The following TNRC6A variants were observed in gnomAD, a reference collection of about 807,000 sequenced individuals.
The protein encoded by TNRC6A is trinucleotide repeat containing adaptor 6A.
Under a neutral mutation model 221.2 loss-of-function variants are expected in TNRC6A, and 44 were observed. That is an observed-to-expected ratio of 0.20 (90% CI 0.16 to 0.26). The LOEUF is 0.26. Among genes scored for constraint, TNRC6A ranks in the 10% least tolerant of loss-of-function variants. The probability of loss-of-function intolerance (pLI) is 1.00; values close to 1 mark genes in which losing one functional copy is unlikely to be tolerated. For synonymous variants in TNRC6A, 847 were observed against 838.5 expected (o/e 1.01, Z -0.18); for missense variants, 2,199 against 2,404.4 (o/e 0.91, Z 1.79).
intron 2 of TNRC6A, among the ~76,000 whole-genome samples, chr16:24,749,712 T>C (rs938517178): frequency 3.9e-5 from 6 of 152,212 alleles, no homozygotes; most frequent in African/African-American, 1.2e-4. Context: ...GTAATAACCC[T>C]TTTTCCTGAA....
At chr16:24,753,854 A>G (rs1194075204) in intron 3 of TNRC6A, among the ~76,000 whole-genome samples, 1 of 152,222 alleles carries the variant, frequency 6.6e-6, no homozygotes, top group Non-Finnish European at 1.5e-5. Flanking sequence ...TTTTTAATAT[A>G]AGGAACCTAA....
At chr16:24,720,457 G>C (rs1475291659) in intron 2 of TNRC6A, among the ~76,000 whole-genome samples, 1 of 152,024 alleles carries the variant, frequency 6.6e-6, no homozygotes, top group Non-Finnish European at 1.5e-5. Flanking sequence ...GGGAGGCCAA[G>C]ACAGGCAGAT....
chr16:24,799,337 A>G (rs922234447), intron 11 of TNRC6A, among the ~76,000 whole-genome samples: 7 of 152,086 alleles, frequency 4.6e-5, no homozygotes, highest in East Asian at 1.9e-4. Flanking sequence ...CCCTTTGACT[A>G]CTCACCTTCC....
At chr16:24,820,400 G>T (rs948213740) in intron 22 of TNRC6A, 40 bp downstream of exon 22, 1 of 1,575,566 alleles carries the variant, frequency 6.3e-7, no homozygotes, top group African/African-American at 1.3e-5. Flanking sequence ...TGGTTTATTT[G>T]CTAAACGCTA....
intron 2 of TNRC6A, among the ~76,000 whole-genome samples, chr16:24,701,497 G>A (rs1055789062): frequency 6.6e-6 from 1 of 151,992 alleles, no homozygotes; most frequent in African/African-American, 2.4e-5. Context: ...CTCCCGAGTA[G>A]CTGGGACTAC....
At chr16:24,710,157 G>A (rs566455801) in intron 2 of TNRC6A, among the ~76,000 whole-genome samples, 4 of 151,784 alleles carry the variant, frequency 2.6e-5, no homozygotes, top group East Asian at 3.9e-4. Context: ...CCCAGGAGGT[G>A]GAGGTTGCAG....
intron 5 of TNRC6A, among the ~76,000 whole-genome samples, chr16:24,786,708 A>T (rs1403924239): frequency 6.8e-6 from 1 of 147,566 alleles, no homozygotes; most frequent in African/African-American, 2.5e-5. Flanking sequence ...TTTGAGATGG[A>T]GTCTCACTCT....
chr16:24,630,574 T>C (rs1431559604), intron 1 of TNRC6A, among the ~76,000 whole-genome samples: 7 of 152,118 alleles, frequency 4.6e-5, no homozygotes, highest in African/African-American at 1.4e-4. Context: ...AGCTACTACC[T>C]CTTTATAGGA....
At chr16:24,741,463 TATCTGGGATAA>T (rs1399615631) in intron 2 of TNRC6A, among the ~76,000 whole-genome samples, 1 of 152,258 alleles carries the variant, frequency 6.6e-6, no homozygotes, top group Non-Finnish European at 1.5e-5. Context: ...CACCCTTGCA[TATCTGGGATAA>T]ATCCACTTTG....
chr16:24,790,985 A>G lies in TNRC6A; in HGVS notation c.2343A>G (p.Ser781=), dbSNP rs2058086539. The change falls in exon 6 of 25, where the codon TCA becomes TCG. Residue 781 remains serine (S), a synonymous_variant. Transcript: ENST00000395799. ...SPNGNDTSSV[S]GWGDPKPALR... Reference sequence around the variant, plus strand: ...ATGGTAATGATACCTCATCTGTATCAGGGTGGGGCGATCCCAAACCTGCTC... The same window carrying G: ...ATGGTAATGATACCTCATCTGTATCGGGGTGGGGCGATCCCAAACCTGCTC... 3.1e-6 allele frequency: 5 copies of G among 1,600,288 alleles called. No individual in the cohort carries two copies. The highest frequency in any genetic ancestry group is 1.3e-5 in the African/African-American group (1 of 74,604).
rs570996196 is a variant in TNRC6A at position 24,653,576 on chromosome 16, G to A, written n.402+12567G>A. 1.2e-3 allele frequency among the ~76,000 whole-genome samples: 189 copies of A among 152,278 alleles called. 1 individual carries two copies. Among genetic ancestry groups the A allele is most frequent in the Non-Finnish European group, 2.0e-3 (139 of 68,028 alleles). On this transcript the variant is annotated intron_variant and non_coding_transcript_variant, in intron 2 of 2. Coordinates refer to the TNRC6A transcript ENST00000566108. ...AGATCACCTGATGTCAGGAGTTCGA[G>A]ACCAGCCTGGCCAACATGGTGAAAC...
upstream of TNRC6A, among the ~76,000 whole-genome samples, chr16:24,729,301 A>ATT (rs60592267): frequency 7.4e-5 from 7 of 94,608 alleles, no homozygotes; most frequent in Admixed American, 1.2e-4. Flanking sequence ...GTTTTAGGCA[A>ATT]TTTTTTTTTT....
intron 2 of TNRC6A, chr16:24,665,115 G>C (rs2055130816): frequency 2.5e-6 from 1 of 394,582 alleles, no homozygotes; most frequent in African/African-American, 2.1e-5. Flanking sequence ...GCCTAGCCTG[G>C]AGTGCAGTGG....
intron 4 of TNRC6A, among the ~76,000 whole-genome samples, chr16:24,764,613 C>A (rs773381534): frequency 3.9e-5 from 6 of 152,148 alleles, no homozygotes; most frequent in Non-Finnish European, 7.4e-5. Flanking sequence ...TGAGCCACTG[C>A]ACCCAGACCA....
chr16:24,719,487 C>T (rs2056372824), intron 2 of TNRC6A, among the ~76,000 whole-genome samples: 1 of 151,978 alleles, frequency 6.6e-6, no homozygotes, highest in Admixed American at 6.6e-5. Context: ...TAGTGAAACC[C>T]CATCTATACT....
intron 2 of TNRC6A, among the ~76,000 whole-genome samples, chr16:24,645,648 A>T (rs971256152): frequency 6.6e-6 from 1 of 151,656 alleles, no homozygotes; most frequent in African/African-American, 2.4e-5. Context: ...AATATTCTTC[A>T]AATTTTTCTT....
intron 4 of TNRC6A, among the ~76,000 whole-genome samples, chr16:24,771,014 A>G (rs1036761466): frequency 3.3e-5 from 5 of 152,226 alleles, no homozygotes; most frequent in Admixed American, 6.5e-5. Flanking sequence ...GGATACCACA[A>G]CAAATTGGAT....
At position 24,794,606 on chromosome 16, in the gene TNRC6A, A is replaced by G; in HGVS notation, c.3415A>G (p.Thr1139Ala). Residue 1139 changes from threonine to alanine, a missense_variant, in exon 8 of 25, where the codon ACT (threonine) becomes GCT (alanine). Coordinates refer to ENST00000395799, the MANE Select transcript of TNRC6A (RefSeq NM_014494.4). ...TATGCCATTGCCTGGAAATCGCCCC[A>G]CTGGCTGGGAAGAGGAAGAGGATGT... ...DDMPLPGNRP[T>A]GWEEEEDVEI... 1 of 1,614,070 alleles carries G rather than the reference A, an allele frequency of 6.2e-7. No individual in the cohort carries two copies. Among genetic ancestry groups the G allele is most frequent in the Non-Finnish European group, 8.5e-7 (1 of 1,179,942 alleles).
At chr16:24,782,719 T>C (rs1017299671) in intron 5 of TNRC6A, among the ~76,000 whole-genome samples, 3 of 151,806 alleles carry the variant, frequency 2.0e-5, no homozygotes, top group Admixed American at 6.6e-5. Flanking sequence ...CTACTAAAAA[T>C]ACAAAAAACA....
Sources: gnomAD v4.1 joint callset for allele counts (sites outside exome capture counted in the v4.1 genomes callset) on GRCh38, gnomAD v4.1.1 for gene constraint, MANE v1.5 for transcripts, NCBI Gene and HGNC (gene_info 2026-07-23, HGNC 2026-07-21) for gene names.